The following C7orf78 variants were observed in gnomAD, a reference collection of about 807,000 sequenced individuals.
The protein encoded by C7orf78 is chromosome 7 open reading frame 78.
chr7:12,531,124 T>A, the C7orf78 span: 12 of 398,318 alleles, frequency 3.0e-5, no homozygotes, highest in African/African-American at 2.5e-4. Context: ...TGTTGTTAGA[T>A]ACTTATATTA....
At chr7:12,522,007 T>G in the C7orf78 span, among the ~76,000 whole-genome samples, 4 of 152,104 alleles carry the variant, frequency 2.6e-5, no homozygotes, top group African/African-American at 9.6e-5. Flanking sequence ...TGCAAAATAT[T>G]ACAAATTTTT....
At chr7:12,515,160 A>C in the C7orf78 span, among the ~76,000 whole-genome samples, 1 of 152,134 alleles carries the variant, frequency 6.6e-6, no homozygotes, top group Non-Finnish European at 1.5e-5. Context: ...CCTCACCCAA[A>C]TCTCATCTTG....
the C7orf78 span, among the ~76,000 whole-genome samples, chr7:12,531,317 T>C: frequency 1.3e-5 from 2 of 152,182 alleles, no homozygotes; most frequent in African/African-American, 4.8e-5. Context: ...TTGCAACCTG[T>C]TTCCTACGTG....
the C7orf78 span, chr7:12,530,899 A>G: frequency 2.5e-6 from 1 of 394,724 alleles, no homozygotes. Context: ...GTGAATCTGG[A>G]ATACAGATAC....
At chr7:12,537,711 TTTACA>T in the C7orf78 span, among the ~76,000 whole-genome samples, 2 of 152,176 alleles carry the variant, frequency 1.3e-5, no homozygotes, top group African/African-American at 4.8e-5. Flanking sequence ...TGTGATAACC[TTTACA>T]TTAGAGACAA....
the C7orf78 span, chr7:12,504,338 G>C: frequency 6.6e-6 from 1 of 152,124 alleles, no homozygotes. Context: ...AGAGGCCCTA[G>C]TTTTACTTTT....
chr7:12,501,382 G>T, the C7orf78 span, among the ~76,000 whole-genome samples: 2 of 150,352 alleles, frequency 1.3e-5, no homozygotes, highest in South Asian at 4.2e-4. Flanking sequence ...CTTCAGCAAA[G>T]TCTCAGGATA....
At chr7:12,505,161 A>G in the C7orf78 span, among the ~76,000 whole-genome samples, 3 of 152,072 alleles carry the variant, frequency 2.0e-5, no homozygotes, top group Non-Finnish European at 4.4e-5. Flanking sequence ...TTTAGAAAAA[A>G]ATATGATTAG....
chr7:12,519,463 T>C, the C7orf78 span, among the ~76,000 whole-genome samples: 1 of 152,108 alleles, frequency 6.6e-6, no homozygotes, highest in Admixed American at 6.5e-5. Flanking sequence ...GGTCACTCCT[T>C]CCAGCTCCAG....
the C7orf78 span, among the ~76,000 whole-genome samples, chr7:12,538,789 C>T: frequency 9.2e-5 from 14 of 152,132 alleles, no homozygotes; most frequent in Non-Finnish European, 1.5e-4. Context: ...GTTTTCCTTT[C>T]CCCTTTCCCT....
the C7orf78 span, among the ~76,000 whole-genome samples, chr7:12,497,811 C>A: frequency 6.6e-6 from 1 of 150,934 alleles, no homozygotes; most frequent in Non-Finnish European, 1.5e-5. Flanking sequence ...ACAGCAGTAA[C>A]CTCTGCAGAC....
chr7:12,527,857 T>G, the C7orf78 span, among the ~76,000 whole-genome samples: 2 of 145,946 alleles, frequency 1.4e-5, no homozygotes, highest in Non-Finnish European at 3.0e-5. Context: ...GAAAATGCCA[T>G]CTAGCTGTGT....
chr7:12,535,222 C>T, the C7orf78 span, among the ~76,000 whole-genome samples: 1 of 152,148 alleles, frequency 6.6e-6, no homozygotes, highest in East Asian at 1.9e-4. Context: ...CATACCCAAA[C>T]TGGGCAATTT....
At chr7:12,510,464 C>G in the C7orf78 span, among the ~76,000 whole-genome samples, 12 of 152,198 alleles carry the variant, frequency 7.9e-5, no homozygotes, top group African/African-American at 2.9e-4. Flanking sequence ...TATGGTAGTT[C>G]TGTTTTTACT....
the C7orf78 span, among the ~76,000 whole-genome samples, chr7:12,537,121 G>T: frequency 6.6e-6 from 1 of 152,144 alleles, no homozygotes; most frequent in South Asian, 2.1e-4. Context: ...TACTGTATTA[G>T]TTCATTCTCA....
At chr7:12,532,638 TG>T in the C7orf78 span, among the ~76,000 whole-genome samples, 1 of 152,250 alleles carries the variant, frequency 6.6e-6, no homozygotes, top group South Asian at 2.1e-4. Flanking sequence ...TGTACCACTA[TG>T]AATAGTCGAA....
At chr7:12,538,147 G>A in the C7orf78 span, among the ~76,000 whole-genome samples, 10 of 152,040 alleles carry the variant, frequency 6.6e-5, no homozygotes, top group South Asian at 2.1e-4. Context: ...ACTATTATAC[G>A]TACATGTAAA....
the C7orf78 span, chr7:12,491,955 A>C: frequency 6.6e-6 from 1 of 152,344 alleles, no homozygotes; most frequent in South Asian, 2.1e-4. Flanking sequence ...AGTAATTCTA[A>C]GTTCCAACAA....
At chr7:12,510,446 C>G in the C7orf78 span, among the ~76,000 whole-genome samples, 1 of 152,152 alleles carries the variant, frequency 6.6e-6, no homozygotes, top group Non-Finnish European at 1.5e-5. Context: ...AGTGGGATTT[C>G]TGGATATTAT....
Sources: allele counts gnomAD v4.1 joint callset (sites outside exome capture counted in the v4.1 genomes callset), GRCh38; gene constraint gnomAD v4.1.1; transcripts MANE v1.5; gene names NCBI Gene and HGNC (gene_info 2026-07-23, HGNC 2026-07-21).